Variants in MTHFD1L observed in about 807,000 individuals in gnomAD.
The protein encoded by MTHFD1L is methylenetetrahydrofolate dehydrogenase (NADP+ dependent) 1 like.
A neutral mutation model predicts 119.5 loss-of-function variants in MTHFD1L; 81 were observed. The observed-to-expected ratio is 0.68, with a 90% CI of 0.57 to 0.82. MTHFD1L has a LOEUF of 0.82. MTHFD1L is among the 40% of genes least tolerant of loss of function. The pLI is 0.00. For missense variants in MTHFD1L, 1,125 were observed against 1,253.4 expected, an observed-to-expected ratio of 0.90 and a Z score of 1.55; for synonymous variants, 430 against 475.2, an observed-to-expected ratio of 0.90 and a Z score of 1.24.
intron 26 of MTHFD1L, among the ~76,000 whole-genome samples, chr6:151,072,089 A>G (rs1792006482): frequency 6.6e-6 from 1 of 152,058 alleles, no homozygotes; most frequent in Non-Finnish European, 1.5e-5. Flanking sequence ...TCAGCCTCCC[A>G]AAGTGCTGAG....
In MTHFD1L at chr6:150,932,806, GA is replaced by G. The variant is rs770617788; in HGVS notation, c.1257-3997del. Among the ~76,000 whole-genome samples, 411 of 127,588 alleles carry G rather than the reference GA, an allele frequency of 3.2e-3. 4 individuals are homozygous for G. The highest frequency in any genetic ancestry group is 4.3e-3 in the Non-Finnish European group (271 of 62,716). The allele number at this position is 127,588 out of a possible 152,430, so 83.7% of individuals were successfully genotyped here. On this transcript the variant is annotated intron_variant, in intron 11 of 27. Transcript: ENST00000367321. ...AAAGAGAAAGGAAGAAAGGGAGGAAGAGAGGGAGGGAGGAAGGAAGGAAGGA... is the reference window on the plus strand; with the variant it reads ...AAAGAGAAAGGAAGAAAGGGAGGAAGGAGGGAGGGAGGAAGGAAGGAAGGA...
intron 17 of MTHFD1L, 25 bp downstream of exon 17, chr6:150,956,096 G>A (rs1189256246): frequency 1.2e-6 from 2 of 1,602,048 alleles, no homozygotes; most frequent in Non-Finnish European, 1.7e-6. Flanking sequence ...CTTCCCGGGT[G>A]TGGCTCTGTT....
chr6:150,892,248 T>C (rs979943706), intron 7 of MTHFD1L, among the ~76,000 whole-genome samples: 7 of 152,256 alleles, frequency 4.6e-5, no homozygotes. Flanking sequence ...TTGAATGTTT[T>C]CGCAGCTGTC....
intron 20 of MTHFD1L, among the ~76,000 whole-genome samples, chr6:150,981,318 A>G (rs997381792): frequency 1.1e-4 from 17 of 152,164 alleles, no homozygotes; most frequent in African/African-American, 3.9e-4. Flanking sequence ...GTAGAGCACT[A>G]TTGTTGAAGC....
At chr6:150,973,838 T>G (rs951233909) in intron 20 of MTHFD1L, among the ~76,000 whole-genome samples, 1 of 152,040 alleles carries the variant, frequency 6.6e-6, no homozygotes, top group Non-Finnish European at 1.5e-5. Context: ...GGACTCAGAG[T>G]TAGACACTGT....
chr6:150,931,608 G>C (rs1271123937), intron 11 of MTHFD1L, among the ~76,000 whole-genome samples: 1 of 152,168 alleles, frequency 6.6e-6, no homozygotes, highest in Non-Finnish European at 1.5e-5. Flanking sequence ...AGATGCCTGG[G>C]ATGGATGATT....
chr6:150,934,298 A>G (rs2096066), intron 11 of MTHFD1L, among the ~76,000 whole-genome samples: 68,593 of 152,032 alleles, frequency 0.45, 17,222 homozygotes, highest in African/African-American at 0.68. Context: ...AGTTTTATCT[A>G]GTTAACATTT....
In MTHFD1L at chr6:150,918,560, C is replaced by T; in HGVS notation, c.893-17C>T. On this transcript the variant is annotated splice_polypyrimidine_tract_variant and intron_variant, in intron 8 of 27. Coordinates refer to ENST00000367321, the MANE Select transcript of MTHFD1L (RefSeq NM_015440.5). The stretch of plus-strand genomic sequence containing the variant: ...CAGTGTACTGAAAGTCTTTTTTTTC[C>T]CTCCAATTTTTTACAGGGAAGGTTG... The T allele has an allele frequency of 2.5e-6, 4 of 1,582,882 alleles. 1 individual carries two copies. In the South Asian group the frequency reaches 4.5e-5, roughly 18 times the overall value.
intron 26 of MTHFD1L, among the ~76,000 whole-genome samples, chr6:151,042,589 G>A (rs1291117862): frequency 6.6e-6 from 1 of 152,168 alleles, no homozygotes; most frequent in Non-Finnish European, 1.5e-5. Context: ...AGTAGTAGGT[G>A]GTCTTTGTCT....
At chr6:150,869,158 T>C (rs886272217) in intron 1 of MTHFD1L, among the ~76,000 whole-genome samples, 1 of 152,146 alleles carries the variant, frequency 6.6e-6, no homozygotes, top group African/African-American at 2.4e-5. Context: ...AACCATAACT[T>C]TTATTTTTAT....
At chr6:150,994,114 T>G in intron 20 of MTHFD1L, among the ~76,000 whole-genome samples, 1 of 93,040 alleles carries the variant, frequency 1.1e-5, no homozygotes, top group African/African-American at 5.9e-5. Flanking sequence ...AGCACTATAA[T>G]ACAAGTTTAT....
intron 8 of MTHFD1L, among the ~76,000 whole-genome samples, chr6:150,915,865 A>G (rs1350507579): frequency 6.6e-6 from 1 of 152,052 alleles, no homozygotes; most frequent in Non-Finnish European, 1.5e-5. Context: ...CGGCCTCCCA[A>G]AGTGCTGGGA....
intron 20 of MTHFD1L, among the ~76,000 whole-genome samples, chr6:150,994,241 A>G (rs886306782): frequency 5.3e-5 from 8 of 152,040 alleles, no homozygotes; most frequent in Non-Finnish European, 1.5e-5. Context: ...AGCTCCAGCC[A>G]TTGCATCTGT....
intron 26 of MTHFD1L, chr6:151,088,249 G>A (rs1230655703): frequency 6.6e-6 from 1 of 152,132 alleles, no homozygotes; most frequent in Non-Finnish European, 1.5e-5. Context: ...GGAGTCTCGC[G>A]TCTGCAGATT....
At chr6:151,043,547 A>G (rs1413637155) in intron 26 of MTHFD1L, among the ~76,000 whole-genome samples, 10 of 152,314 alleles carry the variant, frequency 6.6e-5, no homozygotes, top group South Asian at 2.1e-4. Context: ...TTTTTAAAAC[A>G]ACAATGCATT....
At chr6:150,871,133 T>C (rs1779414704) in intron 1 of MTHFD1L, among the ~76,000 whole-genome samples, 1 of 142,338 alleles carries the variant, frequency 7.0e-6, no homozygotes. Context: ...TATATCTTAA[T>C]ATATATATAT....
At chr6:150,917,045 G>T (rs532835475) in intron 8 of MTHFD1L, among the ~76,000 whole-genome samples, 2 of 151,744 alleles carry the variant, frequency 1.3e-5, no homozygotes, top group South Asian at 2.1e-4. Context: ...ACAGGCGTGA[G>T]CCACCATGCC....
chr6:150,876,044 A>C, intron 1 of MTHFD1L, 46 bp from the exon 2 acceptor site: 1 of 1,417,854 alleles, frequency 7.1e-7, no homozygotes, highest in Non-Finnish European at 9.9e-7. Context: ...AGTCCTTTCT[A>C]CTCATTAACC....
In MTHFD1L at chr6:150,878,230, T is replaced by C. The variant is rs112822229; in HGVS notation, c.417+404T>C. Among the ~76,000 whole-genome samples the C allele has an allele frequency of 6.4e-3, 980 of 152,106 alleles. 11 individuals are homozygous for C. Among genetic ancestry groups the C allele is most frequent in the African/African-American group, 0.023 (934 of 41,508 alleles). ...CCTCAAATAATGGAATCTTAAATAATGTACAAGTTTATTTCTCTCTCTCTC... is the reference window on the plus strand; with the variant it reads ...CCTCAAATAATGGAATCTTAAATAACGTACAAGTTTATTTCTCTCTCTCTC... On this transcript the variant is annotated intron_variant, in intron 4 of 27. Transcript: ENST00000367321.
Sources: allele counts gnomAD v4.1 joint callset (sites outside exome capture counted in the v4.1 genomes callset), GRCh38; gene constraint gnomAD v4.1.1; transcripts MANE v1.5; gene names NCBI Gene and HGNC (gene_info 2026-07-23, HGNC 2026-07-21).